Variants in SDSL observed in about 807,000 individuals in gnomAD.
SDSL encodes the protein serine dehydratase like.
In SDSL, 26 loss-of-function variants were observed where a neutral mutation model predicts 27.6. That is an observed-to-expected ratio of 0.94 (90% CI 0.69 to 1.31). The LOEUF (loss-of-function observed/expected upper bound fraction) is 1.31, where lower values mean the gene tolerates loss of function less well. SDSL is among the 50% of genes most tolerant of loss of function. The pLI, the probability that SDSL is intolerant of heterozygous loss-of-function variation, is 0.00. For missense variants in SDSL, 431 were observed against 423.5 expected, an observed-to-expected ratio of 1.02 and a Z score of -0.16; for synonymous variants, 196 against 180.6, an observed-to-expected ratio of 1.09 and a Z score of -0.69.
chr12:113,437,577 G>A (rs1434775464), intron 7 of SDSL, among the ~76,000 whole-genome samples: 1 of 152,144 alleles, frequency 6.6e-6, no homozygotes, highest in Non-Finnish European at 1.5e-5. Flanking sequence ...ATGGATGGAT[G>A]GCTATGAATG....
chr12:113,426,187 C>A (rs572494570), intron 1 of SDSL: 2 of 455,952 alleles, frequency 4.4e-6, no homozygotes, highest in African/African-American at 2.0e-5. Flanking sequence ...ATCCGCGGCA[C>A]CCCAAAGTGC....
In SDSL at chr12:113,435,556, G is replaced by C. The variant is rs764908322; in HGVS notation, c.671G>C (p.Ser224Thr). The C allele has an allele frequency of 1.9e-6, 3 of 1,611,634 alleles. No homozygotes were observed. Among genetic ancestry groups the C allele is most frequent in the Non-Finnish European group, 8.5e-7 (1 of 1,178,370 alleles). The change falls in exon 6 of 8, where the codon AGT (serine) becomes ACT (threonine). Residue 224 changes from serine to threonine, a missense_variant and splice_region_variant. Physicochemically the swap from Ser to Thr is moderately conservative, Grantham distance 58. Coordinates refer to ENST00000403593, the MANE Select transcript of SDSL (RefSeq NM_001304993.2). ...CTGGTCACACTTCCAGACATCACCA[G>C]GTGGGTAAGGGCTGGGGACATTTGT... ...GKLVTLPDITSVAKSLGAKTV... is the reference protein window; with the variant it reads ...GKLVTLPDITTVAKSLGAKTV...
At chr12:113,432,208 GCTTCTTTCTTT>G (rs1957930534) in intron 4 of SDSL, among the ~76,000 whole-genome samples, 2 of 149,724 alleles carry the variant, frequency 1.3e-5, no homozygotes. Flanking sequence ...TTGTTTGTTT[GCTTCTTTCTTT>G]CTTTCTTTCT....
intron 4 of SDSL, 42 bp from the exon 5 acceptor site, chr12:113,434,092 T>C (rs1162840522): frequency 5.2e-6 from 8 of 1,549,558 alleles, no homozygotes; most frequent in Non-Finnish European, 8.9e-7. Flanking sequence ...TCCATAGCAG[T>C]CCCACTCCCG....
chr12:113,437,838 T>C (rs976140825), intron 7 of SDSL, 48 bp from the exon 8 acceptor site: 1 of 1,516,504 alleles, frequency 6.6e-7, no homozygotes. Flanking sequence ...GAGCACCGAG[T>C]GGTTCTTCTT....
At chr12:113,431,740 A>AT (rs36029038) in intron 4 of SDSL, among the ~76,000 whole-genome samples, 3,732 of 122,416 alleles carry the variant, frequency 0.03, 80 homozygotes, top group African/African-American at 0.059. Flanking sequence ...CACCCAGCTA[A>AT]TTTTTTTTTT....
At chr12:113,433,694 C>T (rs1433506166) in intron 4 of SDSL, among the ~76,000 whole-genome samples, 7 of 152,220 alleles carry the variant, frequency 4.6e-5, no homozygotes, top group African/African-American at 1.2e-4. Context: ...ATCTCTCTGG[C>T]TGCTTGAACT....
At chr12:113,425,776 T>C (rs1248529370) in intron 1 of SDSL, 4 of 451,568 alleles carry the variant, frequency 8.9e-6, no homozygotes, top group South Asian at 1.6e-5. Flanking sequence ...GCAGATCACT[T>C]GAGCTCAGGA....
chr12:113,433,720 C>G (rs1375279085), intron 4 of SDSL, among the ~76,000 whole-genome samples: 1 of 152,198 alleles, frequency 6.6e-6, no homozygotes, highest in African/African-American at 2.4e-5. Flanking sequence ...AGCAGGCCAT[C>G]AGCTGGGCCA....
intron 4 of SDSL, among the ~76,000 whole-genome samples, chr12:113,433,895 T>G (rs1213028131): frequency 6.6e-6 from 1 of 152,208 alleles, no homozygotes; most frequent in Non-Finnish European, 1.5e-5. Flanking sequence ...GTTTTCATAG[T>G]GTGGCAGTAG....
intron 1 of SDSL, among the ~76,000 whole-genome samples, chr12:113,424,554 C>T (rs1212213679): frequency 2.0e-5 from 3 of 152,120 alleles, no homozygotes; most frequent in African/African-American, 7.2e-5. Context: ...CAGTGGTATC[C>T]CCTGTTGCTA....
rs912917724 is a variant in SDSL, at chr12:113,438,108, T to C, written c.*29T>C. 15 of 1,585,116 alleles carry C rather than the reference T, an allele frequency of 9.5e-6. No homozygotes were observed. In the African/African-American group the frequency reaches 1.8e-4, roughly 19 times the overall value. On this transcript the variant is annotated 3_prime_UTR_variant, in exon 8 of 8. Coordinates refer to ENST00000403593, the MANE Select transcript of SDSL (RefSeq NM_001304993.2). ...GTCCCATCCTGGCCCCAAAGACCCC[T>C]GAGAGGCCCATGGACAGTCCTGTGT...
At chr12:113,429,732 A>G (rs956871593) in intron 4 of SDSL, among the ~76,000 whole-genome samples, 1 of 152,160 alleles carries the variant, frequency 6.6e-6, no homozygotes, top group African/African-American at 2.4e-5. Flanking sequence ...CTTTGTTACC[A>G]AAGAAATAGA....
At position 113,422,400 on chromosome 12, in the gene SDSL, C is replaced by G. The variant is rs1330016338; in HGVS notation, c.-99C>G. 2 of 153,600 alleles carry G rather than the reference C, an allele frequency of 1.3e-5. No individual in the cohort carries two copies. The highest frequency in any genetic ancestry group is 1.9e-4 in the East Asian group (1 of 5,228). 9.5% of individuals were successfully genotyped at this position (153,600 alleles called of 1,614,324 possible). A position where few individuals can be genotyped will look rare whatever the true frequency, so the allele number is the denominator to read the frequency against. Reference sequence around the variant, plus strand: ...TGCCTGAAGCTGGACAGAGCCGGTTCCTGGAAAGAGCTGGTTCCCTGGCAG... The same window carrying G: ...TGCCTGAAGCTGGACAGAGCCGGTTGCTGGAAAGAGCTGGTTCCCTGGCAG... On this transcript the variant is annotated 5_prime_UTR_variant, in exon 1 of 8. Transcript: ENST00000403593.
intron 1 of SDSL, chr12:113,426,253 G>A (rs1325444697): frequency 4.4e-6 from 2 of 455,704 alleles, no homozygotes; most frequent in South Asian, 1.5e-5. Context: ...TTTCCTCTTG[G>A]CTCTCTTCCT....
chr12:113,430,076 C>G (rs1957902201), intron 4 of SDSL, among the ~76,000 whole-genome samples: 1 of 149,438 alleles, frequency 6.7e-6, no homozygotes, highest in African/African-American at 2.4e-5. Flanking sequence ...ATCTAACCAT[C>G]CTTCCACACA....
At chr12:113,437,826 C>T (rs1958017080) in intron 7 of SDSL, 60 bp from the exon 8 acceptor site, 3 of 1,480,988 alleles carry the variant, frequency 2.0e-6, no homozygotes, top group Non-Finnish European at 2.7e-6. Context: ...CCAGGGCCTG[C>T]TGAGCACCGA....
In SDSL at chr12:113,438,159, C is replaced by A; in HGVS notation, c.*80C>A. 1.6e-6 allele frequency: 2 copies of A among 1,276,776 alleles called. No homozygotes were observed. The highest frequency in any genetic ancestry group is 2.2e-6 in the Non-Finnish European group (2 of 919,594). 79.1% of individuals were successfully genotyped at this position (1,276,776 alleles called of 1,614,324 possible). A position where few individuals can be genotyped will look rare whatever the true frequency, so the allele number is the denominator to read the frequency against. ...CTGGATGAGGAGGACTCAGTGCTGG[C>A]AGATGGCAGTGGAAGCTGCCCTGTG... On this transcript the variant is annotated 3_prime_UTR_variant, in exon 8 of 8. Coordinates refer to ENST00000403593, the MANE Select transcript of SDSL (RefSeq NM_001304993.2).
intron 1 of SDSL, chr12:113,426,346 G>A (rs1202346797): frequency 2.4e-6 from 1 of 424,600 alleles, no homozygotes; most frequent in African/African-American, 2.0e-5. Flanking sequence ...AAAATGCACG[G>A]ATCTGATTTG....
Sources: allele counts gnomAD v4.1 joint callset (sites outside exome capture counted in the v4.1 genomes callset), GRCh38; gene constraint gnomAD v4.1.1; transcripts MANE v1.5; gene names NCBI Gene and HGNC (gene_info 2026-07-23, HGNC 2026-07-21).